The following WNT7B variants were observed in gnomAD, a reference collection of about 807,000 sequenced individuals.
WNT7B encodes the protein Wnt family member 7B, also known as protein Wnt-7b.
Under a neutral mutation model 38.2 loss-of-function variants are expected in WNT7B, and 19 were observed. The observed-to-expected ratio is 0.50, with a 90% CI of 0.35 to 0.73. WNT7B has a LOEUF of 0.73. Ranked by LOEUF, WNT7B falls within the 30% of genes least tolerant of loss-of-function variation. The probability of loss-of-function intolerance (pLI) is 0.01; values close to 1 mark genes in which losing one functional copy is unlikely to be tolerated. For synonymous variants in WNT7B, 243 were observed against 209.3 expected (o/e 1.16, Z -1.39); for missense variants, 423 against 507.9 (o/e 0.83, Z 1.61).
At chr22:45,961,913 C>CTGG (rs1203530712) in intron 1 of WNT7B, among the ~76,000 whole-genome samples, 1 of 152,160 alleles carries the variant, frequency 6.6e-6, no homozygotes, top group Admixed American at 6.5e-5. Context: ...AACTGGCCTG[C>CTGG]TGGTGGGTGG....
chr22:45,930,796 G>A (rs926673748), intron 3 of WNT7B, among the ~76,000 whole-genome samples: 4 of 152,162 alleles, frequency 2.6e-5, no homozygotes, highest in Non-Finnish European at 2.9e-5. Context: ...CCTCCGCCAC[G>A]GGGTCCCCAG....
intron 3 of WNT7B, chr22:45,927,353 G>GGGGGC: frequency 6.8e-7 from 1 of 1,474,494 alleles, no homozygotes; most frequent in South Asian, 1.4e-5. Context: ...TGGTAGAAGT[G>GGGGGC]GGGGCAGGGC....
chr22:45,954,424 T>C (rs1168188502), intron 1 of WNT7B, among the ~76,000 whole-genome samples: 1 of 152,214 alleles, frequency 6.6e-6, no homozygotes, highest in Non-Finnish European at 1.5e-5. Context: ...TTTACGTATT[T>C]TAACCACGAT....
intron 1 of WNT7B, among the ~76,000 whole-genome samples, chr22:45,956,629 A>G (rs972753546): frequency 1.3e-5 from 2 of 152,274 alleles, no homozygotes; most frequent in African/African-American, 4.8e-5. Flanking sequence ...ACATGGGTCT[A>G]TAGCACAAAT....
chr22:45,966,506 G>T lies in WNT7B; in HGVS notation c.71+10178C>A, dbSNP rs909972465. Among the ~76,000 whole-genome samples the T allele has an allele frequency of 6.6e-6, 1 of 152,216 alleles. No individual in the cohort carries two copies. Among genetic ancestry groups the T allele is most frequent in the African/African-American group, 2.4e-5 (1 of 41,452 alleles). ...CAGAAAGCGATAGAGGCCTGCAGGG[G>T]TCATGGGATAGGACTCCAGGGGATG... On this transcript the variant is annotated intron_variant, in intron 1 of 3. Coordinates refer to ENST00000339464, the MANE Select transcript of WNT7B (RefSeq NM_058238.3). This position sits in a 1 kb window ranked among gnomAD's most constrained non-coding sequence, Gnocchi z 4.2.
intron 3 of WNT7B, chr22:45,926,467 G>C: frequency 1.0e-6 from 1 of 985,370 alleles, no homozygotes. Context: ...GGTGTAGCCT[G>C]TGCTCTGGAA....
chr22:45,929,917 T>C (rs1027399863), intron 3 of WNT7B, among the ~76,000 whole-genome samples: 1 of 58,352 alleles, frequency 1.7e-5, no homozygotes, highest in Non-Finnish European at 3.4e-5. Context: ...CCCATCCATC[T>C]ATCCTCCCAT....
In WNT7B at chr22:45,975,493, C is replaced by A; in HGVS notation, c.71+1191G>T. ...CTAGGACGGGGGCTTCCAGTCCTGC[C>A]TCTGAAGCCACTGGCTTTGTCTCTG... On this transcript the variant is annotated intron_variant, in intron 1 of 3. Transcript: ENST00000339464. This position sits in a 1 kb window ranked among gnomAD's most constrained non-coding sequence, Gnocchi z 6.6. 1.4e-6 allele frequency: 1 copy of A among 713,264 alleles called. No homozygotes were observed. The highest frequency in any genetic ancestry group is 2.6e-6 in the Non-Finnish European group (1 of 382,528). 44.2% of individuals were successfully genotyped at this position (713,264 alleles called of 1,614,324 possible).
At chr22:45,957,703 A>AAAAAAC (rs1932103266) in intron 1 of WNT7B, among the ~76,000 whole-genome samples, 6 of 146,100 alleles carry the variant, frequency 4.1e-5, no homozygotes, top group African/African-American at 1.3e-4. Flanking sequence ...AAAAAAAAAA[A>AAAAAAC]AAAAAAAAAC....
At chr22:45,950,783 C>A (rs1269707854) in intron 1 of WNT7B, among the ~76,000 whole-genome samples, 1 of 152,240 alleles carries the variant, frequency 6.6e-6, no homozygotes, top group African/African-American at 2.4e-5. Flanking sequence ...GCTCAGACGA[C>A]CACAGGGAGA....
chr22:45,945,333 C>T (rs1931769002), intron 2 of WNT7B, among the ~76,000 whole-genome samples: 1 of 152,206 alleles, frequency 6.6e-6, no homozygotes, highest in Non-Finnish European at 1.5e-5. Flanking sequence ...CCCGCCTCAG[C>T]TTCCCAAAGT....
At chr22:45,944,186 C>T (rs1931739195) in intron 2 of WNT7B, among the ~76,000 whole-genome samples, 1 of 152,228 alleles carries the variant, frequency 6.6e-6, no homozygotes, top group Admixed American at 6.5e-5. Context: ...CCCCACTCCA[C>T]TCTTGTCCGT....
intron 2 of WNT7B, chr22:45,936,092 C>T: frequency 1.0e-6 from 1 of 985,414 alleles, no homozygotes; most frequent in Non-Finnish European, 1.2e-6. Context: ...CACCCCACAG[C>T]CCTCAAGAGC....
Position 45,975,752 on chromosome 22 carries a change from G to A in WNT7B, c.71+932C>T. The A allele has an allele frequency of 2.6e-6, 1 of 384,566 alleles. No homozygotes were observed. Among genetic ancestry groups the A allele is most frequent in the East Asian group, 4.0e-5 (1 of 25,272 alleles). 23.8% of individuals were successfully genotyped at this position (384,566 alleles called of 1,614,324 possible). On this transcript the variant is annotated intron_variant, in intron 1 of 3. Transcript: ENST00000339464. This position sits in a 1 kb window ranked among gnomAD's most constrained non-coding sequence, Gnocchi z 6.6. ...GGCGCACAGTAGGCGCGCAGGGCGC[G>A]GCGGGGCCCGGGTCCCCGCAGGTGC...
At chr22:45,973,460 A>G (rs915170604) in intron 1 of WNT7B, among the ~76,000 whole-genome samples, 3 of 152,122 alleles carry the variant, frequency 2.0e-5, no homozygotes, top group African/African-American at 7.2e-5. Flanking sequence ...ATCCAGGAGG[A>G]AGCAGCCACT....
chr22:45,935,920 G>T (rs1387232646), intron 2 of WNT7B: 1 of 985,248 alleles, frequency 1.0e-6, no homozygotes, highest in Non-Finnish European at 1.2e-6. Flanking sequence ...GGGGCCGGCA[G>T]CTGTCCTGCT....
intron 2 of WNT7B, among the ~76,000 whole-genome samples, chr22:45,940,319 C>T (rs182006185): frequency 6.6e-6 from 1 of 152,194 alleles, no homozygotes; most frequent in African/African-American, 2.4e-5. Flanking sequence ...GGTGAGACAC[C>T]GAGCCGGGAT....
In WNT7B at chr22:45,966,637, T is replaced by C. The variant is rs560758907; in HGVS notation, c.71+10047A>G. Among the ~76,000 whole-genome samples the C allele has an allele frequency of 6.6e-6, 1 of 152,292 alleles. No homozygotes were observed. Among genetic ancestry groups the C allele is most frequent in the East Asian group, 1.9e-4 (1 of 5,178 alleles). On this transcript the variant is annotated intron_variant, in intron 1 of 3. Transcript: ENST00000339464. The surrounding 1 kb of genome is among the most constrained non-coding windows in gnomAD (Gnocchi z 4.2). ...CCAGGCACCTGCAGGCTTCACACTC[T>C]AAAGCTGCAAAGGCTGCTTGGGGGA... is the stretch of plus-strand genomic sequence containing the variant.
intron 3 of WNT7B, among the ~76,000 whole-genome samples, chr22:45,928,156 CG>C (rs1311843339): frequency 1.3e-5 from 2 of 152,180 alleles, no homozygotes; most frequent in Admixed American, 1.3e-4. Context: ...TTGTCTGTGG[CG>C]GCAGTCAGCT....
Sources: gnomAD v4.1 joint callset for allele counts (sites outside exome capture counted in the v4.1 genomes callset) on GRCh38, gnomAD v4.1.1 for gene constraint, Gnocchi (gnomAD v3.1) non-coding constraint, MANE v1.5 for transcripts, NCBI Gene and HGNC (gene_info 2026-07-23, HGNC 2026-07-21) for gene names.